RPGRIP1L: variants seen among roughly 807,000 people sequenced by gnomAD.
The protein encoded by RPGRIP1L is RPGRIP1 like, also known as protein fantom.
A neutral mutation model predicts 160.4 loss-of-function variants in RPGRIP1L; 131 were observed. The observed-to-expected ratio is 0.82, with a 90% confidence interval of 0.71 to 0.94. RPGRIP1L has a LOEUF of 0.94. Ranked by LOEUF, RPGRIP1L falls within the 40% of genes least tolerant of loss-of-function variation. RPGRIP1L has a pLI of 0.00. For missense variants in RPGRIP1L, 1,522 were observed against 1,535.8 expected, an observed-to-expected ratio of 0.99 and a Z score of 0.15; for synonymous variants, 510 against 515.8, an observed-to-expected ratio of 0.99 and a Z score of 0.15.
intron 10 of RPGRIP1L, among the ~76,000 whole-genome samples, chr16:53,664,076 T>C (rs1968036215): frequency 6.6e-6 from 1 of 152,214 alleles, no homozygotes; most frequent in African/African-American, 2.4e-5. Flanking sequence ...TCTTAGCACA[T>C]GACTCGGTTT....
At chr16:53,638,951 TTGGG>T (rs1230309020) in intron 19 of RPGRIP1L, among the ~76,000 whole-genome samples, 3 of 151,832 alleles carry the variant, frequency 2.0e-5, no homozygotes, top group African/African-American at 7.2e-5. Context: ...AGTTTTAGAT[TTGGG>T]AACATTAACT....
chr16:53,617,195 A>C (rs1964442044), intron 24 of RPGRIP1L, among the ~76,000 whole-genome samples: 1 of 152,004 alleles, frequency 6.6e-6, no homozygotes, highest in Admixed American at 6.6e-5. Context: ...GTTTGAGCTA[A>C]AGAAAGATTT....
intron 24 of RPGRIP1L, among the ~76,000 whole-genome samples, chr16:53,613,442 C>T (rs1167597546): frequency 1.3e-5 from 2 of 151,984 alleles, no homozygotes; most frequent in East Asian, 1.9e-4. Context: ...TTAGCCTCCC[C>T]CTGGTAGCTG....
In RPGRIP1L at chr16:53,603,803, A is replaced by T. The variant is rs148381989; in HGVS notation, c.3836-1615T>A. Among the ~76,000 whole-genome samples, 12 of 152,162 alleles carry T rather than the reference A, an allele frequency of 7.9e-5. No homozygotes were observed. In the East Asian group the frequency reaches 2.1e-3, roughly 27 times the overall value. ...GCATTGGGTAAGTGAAAATGGCATG[A>T]GTGGTCCCCAGCTCATTCCCTGGAG... On this transcript the variant is annotated intron_variant, in intron 26 of 26. Transcript: ENST00000647211.
At chr16:53,675,989 A>T (rs1176675130) in intron 6 of RPGRIP1L, among the ~76,000 whole-genome samples, 1 of 152,160 alleles carries the variant, frequency 6.6e-6, no homozygotes, top group Non-Finnish European at 1.5e-5. Context: ...TTTTAGGAAA[A>T]ATAAATGTAA....
At chr16:53,632,993 A>G (rs899265857) in intron 22 of RPGRIP1L, among the ~76,000 whole-genome samples, 2 of 152,156 alleles carry the variant, frequency 1.3e-5, no homozygotes, top group African/African-American at 2.4e-5. Context: ...CTTTGAGGGA[A>G]AGAACTGCTT....
rs5005161 is a variant in RPGRIP1L, at chr16:53,664,764, T to C, written c.1243+106A>G. 198,203 of 1,247,870 alleles carry C rather than the reference T, an allele frequency of 0.16. 21,207 individuals carry two copies. The highest frequency in any genetic ancestry group is 0.41 in the East Asian group (17,751 of 43,044). The allele number at this position is 1,247,870 out of a possible 1,614,324, so 77.3% of individuals were successfully genotyped here. A position where few individuals can be genotyped will look rare whatever the true frequency, so the allele number is the denominator to read the frequency against. On this transcript the variant is annotated intron_variant, in intron 10 of 26. Coordinates refer to ENST00000647211, the MANE Select transcript of RPGRIP1L (RefSeq NM_015272.5). ...ATGACTGTGTCTGTCCCTCATACAT[T>C]GCGGGGATACTGGCAAACAGTAGGC...
chr16:53,663,877 G>A (rs1968020862), intron 10 of RPGRIP1L, among the ~76,000 whole-genome samples: 1 of 152,154 alleles, frequency 6.6e-6, no homozygotes, highest in Admixed American at 6.6e-5. Context: ...CTTATAAGAT[G>A]CAACTCAATA....
At chr16:53,627,197 A>G (rs764398964) in intron 22 of RPGRIP1L, among the ~76,000 whole-genome samples, 6 of 152,192 alleles carry the variant, frequency 3.9e-5, no homozygotes, top group Non-Finnish European at 7.4e-5. Flanking sequence ...TCTGAAAACT[A>G]ATTCAACCTG....
chr16:53,633,296 A>T (rs962741263), intron 22 of RPGRIP1L, among the ~76,000 whole-genome samples: 2 of 152,238 alleles, frequency 1.3e-5, no homozygotes, highest in Non-Finnish European at 2.9e-5. Context: ...CTACCTCCTG[A>T]TATGATGCAA....
intron 25 of RPGRIP1L, among the ~76,000 whole-genome samples, chr16:53,606,591 T>C (rs751428676): frequency 5.9e-5 from 9 of 152,190 alleles, no homozygotes; most frequent in Non-Finnish European, 1.2e-4. Flanking sequence ...TCTCTGTTTT[T>C]AGCTAGCAAT....
chr16:53,634,741 C>T (rs73607972), intron 22 of RPGRIP1L, among the ~76,000 whole-genome samples: 21,674 of 152,138 alleles, frequency 0.14, 1,614 homozygotes, highest in Middle Eastern at 0.2. Flanking sequence ...AGCTTGAGGC[C>T]CTCACCAAAT....
rs201959082 is a variant in RPGRIP1L at position 53,622,799 on chromosome 16, CCACACACACACACACA to C, written c.3295-459_3295-444del. On this transcript the variant is annotated intron_variant, in intron 22 of 26. Transcript: ENST00000647211. ...TCCAAAAAATAAAACAAAACAAAAACCACACACACACACACACACACACACACACACACACACACAC... is the reference window on the plus strand; with the variant it reads ...TCCAAAAAATAAAACAAAACAAAAACCACACACACACACACACACACACAC... Among the ~76,000 whole-genome samples the C allele has an allele frequency of 1.5e-3, 205 of 135,888 alleles. 1 individual carries two copies. Among genetic ancestry groups the C allele is most frequent in the East Asian group, 2.2e-3 (10 of 4,634 alleles). 89.1% of individuals were successfully genotyped at this position (135,888 alleles called of 152,430 possible).
intron 8 of RPGRIP1L, among the ~76,000 whole-genome samples, chr16:53,671,824 C>T (rs1041540751): frequency 2.0e-5 from 3 of 152,130 alleles, no homozygotes; most frequent in Non-Finnish European, 4.4e-5. Context: ...AACGTATGCA[C>T]TGCTTTATGC....
chr16:53,645,506 A>G (rs1301291699), intron 17 of RPGRIP1L, 119 bp downstream of exon 17: 5 of 898,146 alleles, frequency 5.6e-6, no homozygotes, highest in East Asian at 2.7e-5. Context: ...ATATAGGCCT[A>G]AAGTTTAAAG....
intron 15 of RPGRIP1L, among the ~76,000 whole-genome samples, chr16:53,649,610 T>A (rs1430647023): frequency 6.6e-6 from 1 of 152,204 alleles, no homozygotes; most frequent in East Asian, 1.9e-4. Context: ...AGGGAAAATG[T>A]CATAGCTATG....
intron 2 of RPGRIP1L, among the ~76,000 whole-genome samples, chr16:53,699,835 A>T (rs1322356020): frequency 6.7e-6 from 1 of 149,864 alleles, no homozygotes; most frequent in Non-Finnish European, 1.5e-5. Flanking sequence ...AAAAAAAAAA[A>T]AAAAATTTCT....
chr16:53,664,863 A>G lies in RPGRIP1L; in HGVS notation c.1243+7T>C. On this transcript the variant is annotated splice_region_variant and intron_variant, in intron 10 of 26. Transcript: ENST00000647211. Reference sequence around the variant, plus strand: ...AATGAGTAAGGCAGTGGTTATTTCAAATGTACCTCTTTCAGTTTTTAATCT... The same window carrying G: ...AATGAGTAAGGCAGTGGTTATTTCAGATGTACCTCTTTCAGTTTTTAATCT... 1 of 1,609,026 alleles carries G rather than the reference A, an allele frequency of 6.2e-7. No individual in the cohort carries two copies. The highest frequency in any genetic ancestry group is 8.5e-7 in the Non-Finnish European group (1 of 1,179,714).
chr16:53,647,629 A>G (rs1280401795), intron 16 of RPGRIP1L, among the ~76,000 whole-genome samples: 1 of 152,226 alleles, frequency 6.6e-6, no homozygotes, highest in African/African-American at 2.4e-5. Flanking sequence ...GTGAAAGAAA[A>G]TGGGATCTGC....
Sources: allele counts gnomAD v4.1 joint callset (sites outside exome capture counted in the v4.1 genomes callset), GRCh38; gene constraint gnomAD v4.1.1; transcripts MANE v1.5; gene names NCBI Gene and HGNC (gene_info 2026-07-23, HGNC 2026-07-21).